RAB3C: variants seen among roughly 807,000 people sequenced by gnomAD.
The protein encoded by RAB3C is ras-related protein Rab-3C.
In RAB3C, 17 loss-of-function variants were observed where a neutral mutation model predicts 26.4. That is an observed-to-expected ratio of 0.64 (90% confidence interval 0.44 to 0.97). The LOEUF (loss-of-function observed/expected upper bound fraction) is 0.97. Among genes scored for constraint, RAB3C ranks in the 50% least tolerant of loss-of-function variants. RAB3C has a pLI of 0.00. For missense variants in RAB3C, 242 were observed against 281.9 expected (o/e 0.86, Z 1.01); for synonymous variants, 91 against 95.9 (o/e 0.95, Z 0.30).
rs571940681 is a variant in RAB3C at position 58,833,324 on chromosome 5, TCACA to T, written c.496+8197_496+8200del. ...TTTAAAAACCATGGCACGGACCCCA[TCACA>T]CACACACACACACACACACACACAC... is the stretch of plus-strand genomic sequence containing the variant. On this transcript the variant is annotated intron_variant, in intron 4 of 4. Coordinates refer to ENST00000282878, the MANE Select transcript of RAB3C (RefSeq NM_138453.4). 7.3e-3 allele frequency among the ~76,000 whole-genome samples: 1,030 copies of T among 141,102 alleles called. 11 individuals carry two copies. The highest frequency in any genetic ancestry group is 0.022 in the African/African-American group (855 of 38,386). The allele number at this position is 141,102 out of a possible 152,430, so 92.6% of individuals were successfully genotyped here.
chr5:58,626,448 A>G (rs922806114), intron 2 of RAB3C, among the ~76,000 whole-genome samples: 4 of 152,186 alleles, frequency 2.6e-5, no homozygotes, highest in Admixed American at 6.5e-5. Flanking sequence ...TATTAGGCCT[A>G]TTCTAGACTT....
intron 2 of RAB3C, among the ~76,000 whole-genome samples, chr5:58,625,484 C>T (rs1252426966): frequency 1.3e-5 from 2 of 152,128 alleles, no homozygotes; most frequent in Non-Finnish European, 2.9e-5. Flanking sequence ...CCAGATTAAT[C>T]TCTTTCATGA....
At chr5:58,768,679 G>T (rs541887034) in intron 3 of RAB3C, among the ~76,000 whole-genome samples, 4 of 152,052 alleles carry the variant, frequency 2.6e-5, no homozygotes, top group Non-Finnish European at 4.4e-5. Context: ...GAGCATCTCA[G>T]GTGAAGGGAA....
chr5:58,634,480 C>T (rs1401038508), intron 2 of RAB3C, among the ~76,000 whole-genome samples: 1 of 152,090 alleles, frequency 6.6e-6, no homozygotes, highest in African/African-American at 2.4e-5. Flanking sequence ...AGAATATCTC[C>T]CTTATAGTAT....
At chr5:58,806,575 C>T (rs1298556881) in intron 3 of RAB3C, among the ~76,000 whole-genome samples, 3 of 152,116 alleles carry the variant, frequency 2.0e-5, no homozygotes, top group Non-Finnish European at 4.4e-5. Flanking sequence ...TCAACTGTGA[C>T]ACTATGGACG....
intron 3 of RAB3C, among the ~76,000 whole-genome samples, chr5:58,813,821 C>A (rs1743155185): frequency 1.4e-5 from 1 of 72,970 alleles, no homozygotes. Flanking sequence ...ATGAATTTAC[C>A]AAGTTACAAA....
In RAB3C at chr5:58,856,745, C is replaced by A. The variant is rs1421905951; in HGVS notation, c.*5394C>A. Reference sequence around the variant, plus strand: ...TTACAGACACAGATGGTACCTGAGCCCCTCAGACACCTGCCCTTTCAGGGA... The same window carrying A: ...TTACAGACACAGATGGTACCTGAGCACCTCAGACACCTGCCCTTTCAGGGA... On this transcript the variant is annotated 3_prime_UTR_variant, in exon 5 of 5. Coordinates refer to ENST00000282878, the MANE Select transcript of RAB3C (RefSeq NM_138453.4). 1 of 152,132 alleles carries A rather than the reference C, an allele frequency of 6.6e-6. No homozygotes were observed. The highest frequency in any genetic ancestry group is 2.4e-5 in the African/African-American group (1 of 41,424). The allele number at this position is 152,132 out of a possible 1,614,324, so 9.4% of individuals were successfully genotyped here. A position where few individuals can be genotyped will look rare whatever the true frequency, so the allele number is the denominator to read the frequency against.
chr5:58,739,272 T>G (rs1741223247), intron 3 of RAB3C, among the ~76,000 whole-genome samples: 3 of 152,236 alleles, frequency 2.0e-5, no homozygotes, highest in Admixed American at 2.0e-4. Context: ...AAATATGCAC[T>G]CAATCACTGC....
At chr5:58,702,647 T>C (rs1748870476) in intron 2 of RAB3C, among the ~76,000 whole-genome samples, 1 of 152,088 alleles carries the variant, frequency 6.6e-6, no homozygotes, top group Non-Finnish European at 1.5e-5. Context: ...TCCATCTCCT[T>C]CTTCTGCCTT....
intron 2 of RAB3C, among the ~76,000 whole-genome samples, chr5:58,684,287 C>T (rs1200562760): frequency 6.6e-6 from 1 of 152,152 alleles, no homozygotes; most frequent in East Asian, 1.9e-4. Context: ...GGGACTTGAG[C>T]CTGTACAGAT....
In RAB3C at chr5:58,747,803, AG is replaced by A. The variant is rs1267134233; in HGVS notation, c.371+21685del. On this transcript the variant is annotated intron_variant, in intron 3 of 4. Transcript: ENST00000282878. Reference sequence around the variant, plus strand: ...TCAATATTTATTTTCCATAACAGCAAGGATTACAATTAAGACCTTAAAATAA... The same window carrying A: ...TCAATATTTATTTTCCATAACAGCAAGATTACAATTAAGACCTTAAAATAA... Among the ~76,000 whole-genome samples, 3 of 151,882 alleles carry A rather than the reference AG, an allele frequency of 2.0e-5. No individual in the cohort carries two copies. The East Asian group carries it at 5.8e-4, about 29-fold the overall frequency.
At chr5:58,609,182 G>C (rs1012747029) in intron 1 of RAB3C, among the ~76,000 whole-genome samples, 1 of 152,118 alleles carries the variant, frequency 6.6e-6, no homozygotes, top group Non-Finnish European at 1.5e-5. Context: ...AGAACTTAAA[G>C]TATAATAAAG....
At chr5:58,690,261 A>G (rs1359740715) in intron 2 of RAB3C, among the ~76,000 whole-genome samples, 1 of 152,184 alleles carries the variant, frequency 6.6e-6, no homozygotes, top group Non-Finnish European at 1.5e-5. Context: ...AACTGAAACA[A>G]TGGTAACTGA....
At chr5:58,824,016 A>G (rs1278566031) in intron 3 of RAB3C, among the ~76,000 whole-genome samples, 3 of 151,462 alleles carry the variant, frequency 2.0e-5, no homozygotes, top group Non-Finnish European at 4.4e-5. Flanking sequence ...GAGAATGATG[A>G]TTTCCAATTT....
chr5:58,634,628 A>G (rs1055942805), intron 2 of RAB3C, among the ~76,000 whole-genome samples: 4 of 152,294 alleles, frequency 2.6e-5, no homozygotes, highest in African/African-American at 9.6e-5. Context: ...AATCTCAGAA[A>G]GTTGTGTTTT....
chr5:58,745,392 CAAA>C (rs1173604247), intron 3 of RAB3C, among the ~76,000 whole-genome samples: 9 of 33,108 alleles, frequency 2.7e-4, no homozygotes, highest in African/African-American at 6.5e-4. Flanking sequence ...GACTCTGCTT[CAAA>C]AAAAAAAAAA....
intron 3 of RAB3C, among the ~76,000 whole-genome samples, chr5:58,758,531 T>C (rs774850089): frequency 2.0e-5 from 3 of 152,170 alleles, no homozygotes; most frequent in Non-Finnish European, 4.4e-5. Context: ...TTAATTCATT[T>C]CTTCAATAGA....
At chr5:58,597,573 T>C (rs868104729) in intron 1 of RAB3C, among the ~76,000 whole-genome samples, 3,934 of 116,696 alleles carry the variant, frequency 0.034, 13 homozygotes, top group East Asian at 0.096. Context: ...TATATAAGCA[T>C]ATAACAATAT....
chr5:58,600,839 CT>C (rs921104160), intron 1 of RAB3C, among the ~76,000 whole-genome samples: 3 of 152,094 alleles, frequency 2.0e-5, no homozygotes, highest in Non-Finnish European at 4.4e-5. Flanking sequence ...CCCTTTATTT[CT>C]TTCTCGTCTG....
Sources: allele counts gnomAD v4.1 joint callset (sites outside exome capture counted in the v4.1 genomes callset), GRCh38; gene constraint gnomAD v4.1.1; transcripts MANE v1.5; gene names NCBI Gene and HGNC (gene_info 2026-07-23, HGNC 2026-07-21).